The following ASZ1 variants were observed in gnomAD, a reference collection of about 807,000 sequenced individuals.
The protein encoded by ASZ1 is ankyrin repeat, SAM and basic leucine zipper domain containing 1, also known as ankyrin repeat, SAM and basic leucine zipper domain-containing protein 1.
A neutral mutation model predicts 61.8 loss-of-function variants in ASZ1; 67 were observed. The observed-to-expected ratio is 1.08, with a 90% CI of 0.89 to 1.33. The LOEUF (loss-of-function observed/expected upper bound fraction) is 1.33, where lower values mean the gene tolerates loss of function less well. Ranked by LOEUF, ASZ1 falls within the 40% of genes most tolerant of loss-of-function variation. The probability of loss-of-function intolerance (pLI) is 0.00; values close to 1 mark genes in which losing one functional copy is unlikely to be tolerated. For synonymous variants in ASZ1, 193 were observed against 192.7 expected (o/e 1.00, Z -0.01); for missense variants, 577 against 554.5 (o/e 1.04, Z -0.41).
intron 4 of ASZ1, among the ~76,000 whole-genome samples, chr7:117,393,176 A>C (rs1584729918): frequency 6.6e-6 from 1 of 152,264 alleles, no homozygotes; most frequent in Non-Finnish European, 1.5e-5. Context: ...AATTCTTAAA[A>C]GACTTTCTTT....
rs77003875 is a variant in ASZ1 at position 117,388,857 on chromosome 7, C to G, written c.441-3048G>C. On this transcript the variant is annotated intron_variant, in intron 4 of 12. Transcript: ENST00000284629. ...AAAAAAGCAAAATTGTCTTTATTCA[C>G]AGACAGCATGATGTATATAGAAAAC... Among the ~76,000 whole-genome samples, 908 of 152,206 alleles carry G rather than the reference C, an allele frequency of 6.0e-3. 19 individuals carry two copies. Among genetic ancestry groups the G allele is most frequent in the East Asian group, 0.042 (217 of 5,188 alleles).
In ASZ1 at chr7:117,386,761, A is replaced by G. The variant is rs986052679; in HGVS notation, c.441-952T>C. Among the ~76,000 whole-genome samples the G allele has an allele frequency of 2.6e-5, 4 of 152,302 alleles. No individual in the cohort carries two copies. The South Asian group carries it at 8.3e-4, about 32-fold the overall frequency. On this transcript the variant is annotated intron_variant, in intron 4 of 12. Transcript: ENST00000284629. ...ATTTCTCTGTAAGGTTTGTTAGCAT[A>G]AGGTTATACCCTGAAATCTGAACAC...
intron 10 of ASZ1, among the ~76,000 whole-genome samples, chr7:117,376,516 T>C (rs1265076532): frequency 6.6e-6 from 1 of 151,956 alleles, no homozygotes; most frequent in Non-Finnish European, 1.5e-5. Flanking sequence ...GAGCAATATT[T>C]ATCATGAACT....
rs768391672 is a variant in ASZ1 at position 117,363,707 on chromosome 7, T to A, written c.1317A>T (p.Leu439Phe). 2 of 1,601,060 alleles carry A rather than the reference T, an allele frequency of 1.2e-6. No homozygotes were observed. The highest frequency in any genetic ancestry group is 3.4e-5 in the Admixed American group (2 of 58,316). ...TATTCCATGTAGATACTTCTTCCCT[T>A]AATTGTATATGAGTTGGATCATTTT... ...ERENDPTHIQLREEVSTWNSR... is the reference protein window; with the variant it reads ...ERENDPTHIQFREEVSTWNSR... The change falls in exon 13 of 13, where the codon TTA becomes TTT. Residue 439 changes from leucine (L) to phenylalanine (F), a missense_variant. By Grantham distance (22) the Leu-to-Phe change is conservative (BLOSUM62 0). Transcript: ENST00000284629.
rs750167706 is a variant in ASZ1, at chr7:117,427,370, C to T, written c.91G>A (p.Asp31Asn). Residue 31 changes from aspartate to asparagine, a missense_variant, in exon 1 of 13, where the codon GAC becomes AAC. By Grantham distance (23) the Asp-to-Asn change is conservative (BLOSUM62 1). Transcript: ENST00000284629. ...TCCTCCGCTACCTGAGACGTCCGGT[C>T]GAGATACCCAATCTCCCAGCCATCA... ...EDDGWEIGYL[D>N]RTSQKLKRLL... 3.1e-6 allele frequency: 5 copies of T among 1,614,054 alleles called. No homozygotes were observed. The African/African-American group carries it at 5.3e-5, about 17-fold the overall frequency.
intron 12 of ASZ1, among the ~76,000 whole-genome samples, chr7:117,365,042 C>A (rs1192664824): frequency 6.6e-6 from 1 of 152,056 alleles, no homozygotes; most frequent in Non-Finnish European, 1.5e-5. Context: ...TTGGTAAACT[C>A]TGAAATAATA....
In ASZ1 at chr7:117,395,156, G is replaced by A. The variant is rs1189047076; in HGVS notation, c.441-9347C>T. Among the ~76,000 whole-genome samples, 4 of 152,166 alleles carry A rather than the reference G, an allele frequency of 2.6e-5. No individual in the cohort carries two copies. In the East Asian group the frequency reaches 7.7e-4, roughly 29 times the overall value. On this transcript the variant is annotated intron_variant, in intron 4 of 12. Coordinates refer to ENST00000284629, the MANE Select transcript of ASZ1 (RefSeq NM_130768.3). Reference sequence around the variant, plus strand: ...AATGCAGATTTTAGGTATTGCTAGAGTTTCCCATCTGTTTCTTTCTTTGGC... The same window carrying A: ...AATGCAGATTTTAGGTATTGCTAGAATTTCCCATCTGTTTCTTTCTTTGGC...
At chr7:117,394,416 T>C (rs1029795337) in intron 4 of ASZ1, among the ~76,000 whole-genome samples, 1 of 152,256 alleles carries the variant, frequency 6.6e-6, no homozygotes, top group Non-Finnish European at 1.5e-5. Context: ...TTTCTTGATA[T>C]GTAAATAATC....
intron 8 of ASZ1, among the ~76,000 whole-genome samples, chr7:117,381,467 G>A (rs1796252728): frequency 6.6e-6 from 1 of 152,012 alleles, no homozygotes; most frequent in Admixed American, 6.6e-5. Flanking sequence ...ATACAATGAA[G>A]CACAACTCTG....
chr7:117,408,891 T>C (rs1796841260), intron 4 of ASZ1, among the ~76,000 whole-genome samples: 1 of 152,112 alleles, frequency 6.6e-6, no homozygotes, highest in South Asian at 2.1e-4. Context: ...GAATGTTCTA[T>C]ATTTTGAAAG....
At chr7:117,384,042 G>A (rs956857606) in intron 6 of ASZ1, among the ~76,000 whole-genome samples, 1 of 151,972 alleles carries the variant, frequency 6.6e-6, no homozygotes, top group South Asian at 2.1e-4. Context: ...GGAATTTTAC[G>A]TGCTTTCAAA....
chr7:117,384,818 A>G lies in ASZ1; in HGVS notation c.595T>C (p.Leu199=). Residue 199 remains leucine (L), a synonymous_variant, in exon 6 of 13, where the codon TTG becomes CTG. Transcript: ENST00000284629. ...AARQGHKNIV[L]KLLELGANKM... is the part of the protein sequence containing the mutation. Reference sequence around the variant, plus strand: ...TTAGCTCCAAGTTCAAGCAACTTCAAAACTATATTTTTATGACCCTGACGT... The same window carrying G: ...TTAGCTCCAAGTTCAAGCAACTTCAGAACTATATTTTTATGACCCTGACGT... 1 of 1,609,284 alleles carries G rather than the reference A, an allele frequency of 6.2e-7. No individual in the cohort carries two copies. Among genetic ancestry groups the G allele is most frequent in the Non-Finnish European group, 8.5e-7 (1 of 1,178,422 alleles).
At position 117,363,907 on chromosome 7, in the gene ASZ1, T is replaced by C. The variant is rs540653459; in HGVS notation, c.1276-159A>G. Among the ~76,000 whole-genome samples, 300 of 152,298 alleles carry C rather than the reference T, an allele frequency of 2.0e-3. 1 individual carries two copies. The highest frequency in any genetic ancestry group is 3.3e-3 in the Non-Finnish European group (223 of 67,996). On this transcript the variant is annotated intron_variant, in intron 12 of 12. Coordinates refer to ENST00000284629, the MANE Select transcript of ASZ1 (RefSeq NM_130768.3). ...CCATGGAAGATTTAAAGTAAACATA[T>C]ATGTCTGAAAGACAGTCTTTCATTA... is the stretch of plus-strand genomic sequence containing the variant.
intron 9 of ASZ1, among the ~76,000 whole-genome samples, chr7:117,380,398 G>A (rs1796227734): frequency 6.6e-6 from 1 of 151,580 alleles, no homozygotes; most frequent in African/African-American, 2.4e-5. Context: ...AGTGATAAAT[G>A]AGAATTAGGC....
rs1222051751 is a variant in ASZ1 at position 117,369,869 on chromosome 7, T to A, written c.1056-1152A>T. ...GAGTCAATGTGAGTTTGGATTCAGC[T>A]TCCACACTTATTAGCTTTATGATTT... On this transcript the variant is annotated intron_variant, in intron 10 of 12. Transcript: ENST00000284629. 2.0e-5 allele frequency among the ~76,000 whole-genome samples: 3 copies of A among 152,322 alleles called. No homozygotes were observed. The East Asian group carries it at 5.8e-4, about 29-fold the overall frequency.
intron 11 of ASZ1, chr7:117,367,775 T>A (rs1723432985): frequency 1.0e-6 from 1 of 956,818 alleles, no homozygotes; most frequent in Non-Finnish European, 1.3e-6. Context: ...TATTAATTGA[T>A]GTTATATAAA....
chr7:117,383,012 A>G lies in ASZ1; in HGVS notation c.786T>C (p.Ser262=), dbSNP rs1172900718. The change falls in exon 7 of 13, where the codon TCT becomes TCC. Residue 262 remains serine, a synonymous_variant. Coordinates refer to ENST00000284629, the MANE Select transcript of ASZ1 (RefSeq NM_130768.3). Reference sequence around the variant, plus strand: ...TAAAAATGTGATCTTTTTCTCTATCAGAATCTGTTGTCAATATTTTACAAA... The same window carrying G: ...TAAAAATGTGATCTTTTTCTCTATCGGAATCTGTTGTCAATATTTTACAAA... ...DTICKILTTD[S]DREKDHIFSS... is the part of the protein sequence containing the mutation. 2 of 1,584,654 alleles carry G rather than the reference A, an allele frequency of 1.3e-6. No individual in the cohort carries two copies. The highest frequency in any genetic ancestry group is 3.7e-5 in the Admixed American group (2 of 54,406).
chr7:117,418,781 G>A (rs1324714003), intron 4 of ASZ1, among the ~76,000 whole-genome samples: 1 of 152,066 alleles, frequency 6.6e-6, no homozygotes, highest in African/African-American at 2.4e-5. Flanking sequence ...GGGCAACATA[G>A]TGAAACCCCG....
At chr7:117,370,899 C>T (rs962740051) in intron 10 of ASZ1, among the ~76,000 whole-genome samples, 3 of 151,138 alleles carry the variant, frequency 2.0e-5, no homozygotes, top group African/African-American at 7.3e-5. Context: ...ATGCGAGGCT[C>T]ACTGTAACCT....
Sources: allele counts gnomAD v4.1 joint callset (sites outside exome capture counted in the v4.1 genomes callset), GRCh38; gene constraint gnomAD v4.1.1; transcripts MANE v1.5; gene names NCBI Gene and HGNC (gene_info 2026-07-23, HGNC 2026-07-21).